VWA3B: variants seen among roughly 807,000 people sequenced by gnomAD.
VWA3B encodes von Willebrand factor A domain containing 3B, also known as von Willebrand factor A domain-containing protein 3B.
VWA3B carries 138 observed loss-of-function variants against 158.3 expected under a neutral mutation model. The observed-to-expected ratio is 0.87, with a 90% CI of 0.76 to 1.00. The LOEUF is 1.00. Ranked by LOEUF, VWA3B falls within the 50% of genes least tolerant of loss-of-function variation. The pLI, the probability that VWA3B is intolerant of heterozygous loss-of-function variation, is 0.00. For missense variants in VWA3B, 1,555 were observed against 1,565.1 expected, an observed-to-expected ratio of 0.99 and a Z score of 0.11; for synonymous variants, 596 against 587.3, an observed-to-expected ratio of 1.01 and a Z score of -0.21.
At chr2:98,199,626 C>T (rs1385520447) in intron 12 of VWA3B, among the ~76,000 whole-genome samples, 4 of 152,192 alleles carry the variant, frequency 2.6e-5, no homozygotes, top group African/African-American at 9.6e-5. Context: ...GGACTGTGAG[C>T]ATGCTGGTCC....
At chr2:98,105,425 A>G (rs1490673131) in intron 2 of VWA3B, among the ~76,000 whole-genome samples, 1 of 152,206 alleles carries the variant, frequency 6.6e-6, no homozygotes, top group Non-Finnish European at 1.5e-5. Context: ...AAGTCTATAT[A>G]ATTTTATCAC....
intron 16 of VWA3B, among the ~76,000 whole-genome samples, chr2:98,233,741 C>T (rs1685489134): frequency 6.6e-6 from 1 of 152,200 alleles, no homozygotes; most frequent in African/African-American, 2.4e-5. Context: ...TTCACTCTAA[C>T]TATCTAATTT....
At chr2:98,255,998 A>G in intron 20 of VWA3B, 126 bp from the exon 21 acceptor site, 1 of 1,003,954 alleles carries the variant, frequency 1.0e-6, no homozygotes, top group Non-Finnish European at 1.5e-6. Context: ...CTTTAAGCAC[A>G]TGACAGTGGC....
intron 9 of VWA3B, among the ~76,000 whole-genome samples, chr2:98,184,333 G>A (rs1680840375): frequency 1.3e-5 from 2 of 152,238 alleles, no homozygotes; most frequent in South Asian, 2.1e-4. Flanking sequence ...CCTGCCTTGG[G>A]AGCATAGGAC....
intron 13 of VWA3B, chr2:98,216,902 C>G: frequency 7.7e-7 from 1 of 1,295,526 alleles, no homozygotes; most frequent in Non-Finnish European, 1.0e-6. Context: ...CCAAGTCTCT[C>G]GCTCTGGAGC....
At chr2:98,152,885 A>G (rs1677748431) in intron 7 of VWA3B, among the ~76,000 whole-genome samples, 1 of 152,216 alleles carries the variant, frequency 6.6e-6, no homozygotes, top group South Asian at 2.1e-4. Context: ...TGTACTTTAT[A>G]CACAAGGGAG....
chr2:98,205,631 T>C (rs1232340261), intron 12 of VWA3B, among the ~76,000 whole-genome samples: 2 of 152,180 alleles, frequency 1.3e-5, no homozygotes, highest in Non-Finnish European at 1.5e-5. Context: ...AGTTTTGGCA[T>C]ATTTTTATTT....
At chr2:98,199,791 A>G (rs1682374715) in intron 12 of VWA3B, among the ~76,000 whole-genome samples, 2 of 152,236 alleles carry the variant, frequency 1.3e-5, no homozygotes, top group South Asian at 4.1e-4. Flanking sequence ...GTTGCAAGAT[A>G]TGTAGAAATA....
At chr2:98,295,804 T>G (rs947555891) in intron 23 of VWA3B, among the ~76,000 whole-genome samples, 1 of 152,208 alleles carries the variant, frequency 6.6e-6, no homozygotes, top group Non-Finnish European at 1.5e-5. Context: ...AAGAAATGGT[T>G]GCAGTCCCTT....
intron 22 of VWA3B, among the ~76,000 whole-genome samples, chr2:98,279,811 G>A (rs1319840978): frequency 1.3e-5 from 2 of 152,156 alleles, no homozygotes; most frequent in Non-Finnish European, 2.9e-5. Flanking sequence ...CAAAAATTAG[G>A]GAGATAGGGT....
chr2:98,289,685 C>G (rs1574287554), intron 22 of VWA3B, among the ~76,000 whole-genome samples: 1 of 152,302 alleles, frequency 6.6e-6, no homozygotes, highest in East Asian at 1.9e-4. Flanking sequence ...CAGTGCTTGT[C>G]TCTCTCAAAT....
chr2:98,299,649 C>G (rs1264199423), intron 24 of VWA3B, among the ~76,000 whole-genome samples: 6 of 152,168 alleles, frequency 3.9e-5, no homozygotes. Context: ...CGACTTTTAC[C>G]CTTGGATTCT....
At chr2:98,088,442 G>C (rs1268224249) in intron 1 of VWA3B, among the ~76,000 whole-genome samples, 2 of 152,164 alleles carry the variant, frequency 1.3e-5, no homozygotes, top group Non-Finnish European at 2.9e-5. Flanking sequence ...CGGGGCCCTT[G>C]TACAGTTGCC....
intron 14 of VWA3B, among the ~76,000 whole-genome samples, chr2:98,220,204 A>G (rs1194487804): frequency 2.0e-5 from 3 of 151,794 alleles, no homozygotes; most frequent in Non-Finnish European, 4.4e-5. Context: ...AAAAAACTAA[A>G]AGAATTCATC....
intron 19 of VWA3B, among the ~76,000 whole-genome samples, chr2:98,249,462 A>G (rs1686654903): frequency 1.3e-5 from 2 of 152,158 alleles, no homozygotes; most frequent in South Asian, 4.1e-4. Context: ...AGCGTCTGTT[A>G]CCCTGTTTGT....
intron 12 of VWA3B, 60 bp from the exon 13 acceptor site, chr2:98,211,870 C>T (rs1683547095): frequency 1.4e-6 from 2 of 1,429,026 alleles, no homozygotes; most frequent in Non-Finnish European, 1.9e-6. Context: ...AAAATAAATA[C>T]TTGTTTGTGA....
Position 98,102,370 on chromosome 2 carries a change from C to T in VWA3B, c.196+9082C>T, listed in dbSNP as rs576795468. On this transcript the variant is annotated intron_variant, in intron 2 of 27. Transcript: ENST00000477737. ...ACCGCCATCGTCATCATGGCCTGTTCTCAATGGTCGCTGTCTTTTCGGAGC... is the reference window on the plus strand; with the variant it reads ...ACCGCCATCGTCATCATGGCCTGTTTTCAATGGTCGCTGTCTTTTCGGAGC... Among the ~76,000 whole-genome samples the T allele has an allele frequency of 3.9e-5, 6 of 152,264 alleles. No homozygotes were observed. The East Asian group carries it at 9.6e-4, about 24-fold the overall frequency.
intron 22 of VWA3B, among the ~76,000 whole-genome samples, chr2:98,285,714 T>TG (rs1376122407): frequency 2.0e-5 from 3 of 151,724 alleles, no homozygotes; most frequent in Non-Finnish European, 2.9e-5. Flanking sequence ...CAACATTTTT[T>TG]GGGGGGTCAT....
intron 2 of VWA3B, among the ~76,000 whole-genome samples, chr2:98,094,926 C>T (rs1682607740): frequency 6.6e-6 from 1 of 152,072 alleles, no homozygotes; most frequent in South Asian, 2.1e-4. Flanking sequence ...AATCAATTGG[C>T]TGTACATACA....
Sources: allele counts gnomAD v4.1 joint callset (sites outside exome capture counted in the v4.1 genomes callset), GRCh38; gene constraint gnomAD v4.1.1; transcripts MANE v1.5; gene names NCBI Gene and HGNC (gene_info 2026-07-23, HGNC 2026-07-21).